Variants in BTG4 observed in about 807,000 individuals in gnomAD.
The protein encoded by BTG4 is protein BTG4.
Under a neutral mutation model 19.3 loss-of-function variants are expected in BTG4, and 10 were observed. That is an observed-to-expected ratio of 0.52 (90% CI 0.32 to 0.88). BTG4 has a LOEUF of 0.88. BTG4 is among the 40% of genes least tolerant of loss of function. BTG4 has a pLI of 0.04. For synonymous variants in BTG4, 91 were observed against 95.7 expected, an observed-to-expected ratio of 0.95 and a Z score of 0.29; for missense variants, 238 against 281.9, an observed-to-expected ratio of 0.84 and a Z score of 1.11.
intron 5 of BTG4, among the ~76,000 whole-genome samples, chr11:111,468,552 T>C (rs929491256): frequency 2.0e-4 from 31 of 152,214 alleles, no homozygotes; most frequent in Admixed American, 1.3e-4. Context: ...AGTCAAAGGA[T>C]AGATCTCAGA....
the BTG4 span, among the ~76,000 whole-genome samples, chr11:111,428,405 C>T: frequency 6.6e-6 from 1 of 152,202 alleles, no homozygotes; most frequent in Admixed American, 6.5e-5. Context: ...CCTTGCATCT[C>T]TGTCCTGCAA....
chr11:111,388,711 GCCT>G, the BTG4 span, among the ~76,000 whole-genome samples: 979 of 152,278 alleles, frequency 6.4e-3, 9 homozygotes, highest in African/African-American at 0.022. Flanking sequence ...AAAGCTCTCA[GCCT>G]CACTTCTTCT....
At chr11:111,457,205 C>A in the BTG4 span, 1 of 152,972 alleles carries the variant, frequency 6.5e-6, no homozygotes, top group South Asian at 2.1e-4. Context: ...ATGACAGACC[C>A]CGTCACAGGC....
the BTG4 span, chr11:111,434,980 T>C: frequency 6.6e-6 from 1 of 152,290 alleles, no homozygotes; most frequent in African/African-American, 2.4e-5. Context: ...GCCTCTAAAG[T>C]TCAGACCTCA....
the BTG4 span, among the ~76,000 whole-genome samples, chr11:111,447,329 T>C: frequency 2.0e-5 from 3 of 152,358 alleles, no homozygotes; most frequent in African/African-American, 7.2e-5. Context: ...GACCGCAGTC[T>C]TCTTTATAAA....
the BTG4 span, chr11:111,397,184 C>T: frequency 1.3e-5 from 2 of 152,172 alleles, no homozygotes; most frequent in Non-Finnish European, 1.5e-5. Flanking sequence ...CACAATTCCT[C>T]CCCCAATCCA....
upstream of BTG4, chr11:111,512,919 C>T (rs1356471102): frequency 9.0e-6 from 4 of 444,434 alleles, no homozygotes; most frequent in Non-Finnish European, 1.8e-5. Context: ...CGTCCGGGAG[C>T]TGCAGCCGCG....
chr11:111,512,509 G>C (rs1387042630), upstream of BTG4, among the ~76,000 whole-genome samples: 1 of 152,092 alleles, frequency 6.6e-6, no homozygotes, highest in Non-Finnish European at 1.5e-5. Flanking sequence ...GCGGCGGGGC[G>C]CACGGGGTCG....
At chr11:111,391,356 A>G in the BTG4 span, among the ~76,000 whole-genome samples, 1 of 152,218 alleles carries the variant, frequency 6.6e-6, no homozygotes, top group Admixed American at 6.5e-5. Flanking sequence ...AGGTTTTGAA[A>G]TACAGGCAGG....
chr11:111,466,343 G>A (rs1178051948), downstream of BTG4, among the ~76,000 whole-genome samples: 1 of 152,178 alleles, frequency 6.6e-6, no homozygotes, highest in Non-Finnish European at 1.5e-5. Flanking sequence ...ATTCCGTACA[G>A]ATATTGTAGG....
At chr11:111,405,979 C>T in the BTG4 span, among the ~76,000 whole-genome samples, 2 of 152,190 alleles carry the variant, frequency 1.3e-5, no homozygotes, top group African/African-American at 2.4e-5. Flanking sequence ...ATAATTATTA[C>T]AGCATTCTGC....
downstream of BTG4, among the ~76,000 whole-genome samples, chr11:111,462,671 T>C (rs1415453656): frequency 6.6e-6 from 1 of 152,332 alleles, no homozygotes; most frequent in Non-Finnish European, 1.5e-5. Flanking sequence ...TCTCTGCCAT[T>C]TGCAGCAGAG....
At chr11:111,498,950 A>G in intron 1 of BTG4, 148 bp from the exon 2 acceptor site, 1 of 545,792 alleles carries the variant, frequency 1.8e-6, no homozygotes, top group South Asian at 2.5e-5. Flanking sequence ...CTAGGTAAGT[A>G]CATGAACACT....
chr11:111,444,808 G>A, the BTG4 span, among the ~76,000 whole-genome samples: 2 of 152,194 alleles, frequency 1.3e-5, no homozygotes, highest in Non-Finnish European at 2.9e-5. Flanking sequence ...ATGGTGGAAA[G>A]AGGGTGGCTG....
At chr11:111,476,795 G>A (rs574846130) in intron 5 of BTG4, among the ~76,000 whole-genome samples, 14 of 152,110 alleles carry the variant, frequency 9.2e-5, no homozygotes, top group African/African-American at 2.2e-4. Context: ...AACAGAGCAC[G>A]CCCTCAAACC....
downstream of BTG4, among the ~76,000 whole-genome samples, chr11:111,493,163 AAAC>A (rs1176068402): frequency 1.3e-5 from 2 of 152,172 alleles, no homozygotes; most frequent in African/African-American, 4.8e-5. Context: ...ACAAACAAAC[AAAC>A]AAACAGAGTC....
intron 2 of BTG4, 60 bp downstream of exon 2, chr11:111,498,544 A>G (rs974661339): frequency 1.0e-5 from 15 of 1,433,650 alleles, no homozygotes; most frequent in Non-Finnish European, 1.4e-5. Context: ...CCATTTTCCT[A>G]GGAGCTGGCT....
At chr11:111,436,547 A>C in the BTG4 span, among the ~76,000 whole-genome samples, 1 of 151,796 alleles carries the variant, frequency 6.6e-6, no homozygotes, top group South Asian at 2.1e-4. Flanking sequence ...GAATCGCTTG[A>C]ATCTGGGAGA....
At chr11:111,392,169 C>CTTT in the BTG4 span, among the ~76,000 whole-genome samples, 3,984 of 85,400 alleles carry the variant, frequency 0.047, 1,058 homozygotes, top group African/African-American at 0.091. Flanking sequence ...CTGTGATTTT[C>CTTT]TTTTTTTTTT....
Sources: allele counts gnomAD v4.1 joint callset (sites outside exome capture counted in the v4.1 genomes callset), GRCh38; gene constraint gnomAD v4.1.1; transcripts MANE v1.5; gene names NCBI Gene and HGNC (gene_info 2026-07-23, HGNC 2026-07-21).